The following NFU1 variants were observed in gnomAD, a reference collection of about 807,000 sequenced individuals.
NFU1 encodes the protein NFU1 iron-sulfur cluster scaffold.
NFU1 carries 30 observed loss-of-function variants against 32.2 expected under a neutral mutation model. That is an observed-to-expected ratio of 0.93 (90% CI 0.70 to 1.26). The LOEUF (loss-of-function observed/expected upper bound fraction) is 1.26, where lower values mean the gene tolerates loss of function less well. NFU1 is among the 50% of genes most tolerant of loss of function. NFU1 has a pLI of 0.00. For synonymous variants in NFU1, 112 were observed against 104.6 expected, an observed-to-expected ratio of 1.07 and a Z score of -0.43; for missense variants, 306 against 306.6, an observed-to-expected ratio of 1.00 and a Z score of 0.02.
chr2:69,421,562 CTTTTTT>C (rs763705011), intron 3 of NFU1, among the ~76,000 whole-genome samples: 14 of 70,760 alleles, frequency 2.0e-4, no homozygotes, highest in South Asian at 6.3e-4. Flanking sequence ...ATCATTTGTG[CTTTTTT>C]TTTTTTTTTT....
In NFU1 at chr2:69,430,837, C is replaced by T. The variant is rs139323618; in HGVS notation, c.166+1065G>A. 2.9e-3 allele frequency among the ~76,000 whole-genome samples: 447 copies of T among 152,330 alleles called. 3 individuals carry two copies. Among genetic ancestry groups the T allele is most frequent in the African/African-American group, 8.4e-3 (349 of 41,580 alleles). ...AGGGGTAAGGTCTACCCTGATTTAA[C>T]TCACGCCCTTAGCCAGAATCAGCCA... is the stretch of plus-strand genomic sequence containing the variant. On this transcript the variant is annotated intron_variant, in intron 2 of 7. Coordinates refer to ENST00000410022, the MANE Select transcript of NFU1 (RefSeq NM_001002755.4).
At chr2:69,433,427 G>A (rs1170986430) in intron 1 of NFU1, among the ~76,000 whole-genome samples, 6 of 151,520 alleles carry the variant, frequency 4.0e-5, no homozygotes, top group Admixed American at 6.6e-5. Context: ...TGATCCTCCC[G>A]TATCGGCCTC....
chr2:69,425,674 C>G (rs1463012442), intron 2 of NFU1, among the ~76,000 whole-genome samples: 3 of 149,930 alleles, frequency 2.0e-5, no homozygotes, highest in East Asian at 3.9e-4. Flanking sequence ...TTTTTTTAAA[C>G]TGGGTTTCAC....
intron 4 of NFU1, among the ~76,000 whole-genome samples, chr2:69,417,421 T>C (rs556268846): frequency 2.1e-3 from 324 of 151,042 alleles, no homozygotes; most frequent in Non-Finnish European, 3.7e-3. Flanking sequence ...GACAGAAGGA[T>C]TGCATGAGCC....
At chr2:69,402,082 A>G (rs1672540275) in intron 6 of NFU1, among the ~76,000 whole-genome samples, 1 of 152,002 alleles carries the variant, frequency 6.6e-6, no homozygotes, top group Non-Finnish European at 1.5e-5. Flanking sequence ...TTTAGTAGAG[A>G]CCATGTTTCA....
Position 69,398,623 on chromosome 2 carries a change from T to C in NFU1, c.720+1741A>G, listed in dbSNP as rs78234830. 4.8e-3 allele frequency among the ~76,000 whole-genome samples: 731 copies of C among 152,370 alleles called. 6 individuals are homozygous for C. The highest frequency in any genetic ancestry group is 0.017 in the African/African-American group (698 of 41,580). ...CCAGAGGGGCTGACTTCAATTGTCC[T>C]ACACATATCTTCTGAAGCATGTATA... is the stretch of plus-strand genomic sequence containing the variant. On this transcript the variant is annotated intron_variant, in intron 7 of 7. Coordinates refer to ENST00000410022, the MANE Select transcript of NFU1 (RefSeq NM_001002755.4).
At chr2:69,427,757 A>C (rs930415831) in intron 2 of NFU1, among the ~76,000 whole-genome samples, 13 of 150,272 alleles carry the variant, frequency 8.7e-5, no homozygotes, top group Non-Finnish European at 1.8e-4. Context: ...CGAGGTGGGC[A>C]GATCACCTGA....
intron 7 of NFU1, among the ~76,000 whole-genome samples, chr2:69,397,024 T>A (rs10084348): frequency 6.6e-5 from 10 of 151,160 alleles, no homozygotes; most frequent in African/African-American, 2.2e-4. Flanking sequence ...GTGAGCCTAG[T>A]GCCTGGTGAT....
chr2:69,436,472 T>C (rs985372985), intron 1 of NFU1, among the ~76,000 whole-genome samples: 3 of 152,180 alleles, frequency 2.0e-5, no homozygotes, highest in Non-Finnish European at 4.4e-5. Flanking sequence ...GGCAGCAGAA[T>C]GAATAAAGAG....
intron 3 of NFU1, among the ~76,000 whole-genome samples, chr2:69,420,037 C>G (rs895482200): frequency 4.6e-5 from 7 of 151,834 alleles, no homozygotes; most frequent in Admixed American, 1.3e-4. Context: ...ACGGAGTCAC[C>G]CTCTGTCCCC....
chr2:69,420,791 A>C (rs1421942947), intron 3 of NFU1, among the ~76,000 whole-genome samples: 1 of 152,232 alleles, frequency 6.6e-6, no homozygotes, highest in East Asian at 1.9e-4. Context: ...CAACAAAAAG[A>C]GATGAAGAAA....
At chr2:69,418,411 C>T (rs1277901398) in intron 4 of NFU1, among the ~76,000 whole-genome samples, 2 of 152,042 alleles carry the variant, frequency 1.3e-5, no homozygotes, top group East Asian at 1.9e-4. Flanking sequence ...AATAAATAGC[C>T]GCAAGAGAAT....
chr2:69,439,432 A>G (rs977522534), upstream of NFU1, among the ~76,000 whole-genome samples: 1 of 152,204 alleles, frequency 6.6e-6, no homozygotes, highest in Non-Finnish European at 1.5e-5. Context: ...TCAGGAGTGA[A>G]GCTGCAGACC....
In NFU1 at chr2:69,416,519, A is replaced by AG. The variant is rs1345688563; in HGVS notation, c.370-1221_370-1220insC. Among the ~76,000 whole-genome samples the AG allele has an allele frequency of 3.3e-5, 5 of 151,678 alleles. No homozygotes were observed. The East Asian group carries it at 9.6e-4, about 29-fold the overall frequency. On this transcript the variant is annotated intron_variant, in intron 4 of 7. Transcript: ENST00000410022. ...AGAGATTCCCATTCTCTTAAAAAAAACATAGGATGTAATTGCTTGATCAAG... is the reference window on the plus strand; with the variant it reads ...AGAGATTCCCATTCTCTTAAAAAAAAGCATAGGATGTAATTGCTTGATCAAG...
chr2:69,436,471 A>G lies in NFU1; in HGVS notation c.62+890T>C, dbSNP rs570697488. On this transcript the variant is annotated intron_variant, in intron 1 of 7. Transcript: ENST00000410022. ...TTCAGCCCAGGGAAAAGGCAGCAGAATGAATAAAGAGGAAGCACATTCCAA... is the reference window on the plus strand; with the variant it reads ...TTCAGCCCAGGGAAAAGGCAGCAGAGTGAATAAAGAGGAAGCACATTCCAA... Among the ~76,000 whole-genome samples the G allele has an allele frequency of 2.0e-5, 3 of 152,224 alleles. No homozygotes were observed. In the South Asian group the frequency reaches 6.2e-4, roughly 31 times the overall value.
At chr2:69,402,381 G>A (rs968218438) in intron 6 of NFU1, among the ~76,000 whole-genome samples, 2 of 152,094 alleles carry the variant, frequency 1.3e-5, no homozygotes, top group Non-Finnish European at 2.9e-5. Context: ...GGAATACAGT[G>A]GCATGATCAC....
chr2:69,400,697 A>G (rs1280546672), intron 6 of NFU1, among the ~76,000 whole-genome samples, 159 bp from the exon 7 acceptor site: 3 of 136,078 alleles, frequency 2.2e-5, no homozygotes, highest in African/African-American at 8.5e-5. Flanking sequence ...AGTTTTATTT[A>G]GAATTAAATT....
intron 2 of NFU1, among the ~76,000 whole-genome samples, chr2:69,426,355 G>C (rs568549195): frequency 1.3e-5 from 2 of 152,136 alleles, no homozygotes. Context: ...GCATGATCTC[G>C]GCTCACTGCA....
intron 7 of NFU1, among the ~76,000 whole-genome samples, chr2:69,399,753 C>T (rs1672454664): frequency 6.6e-6 from 1 of 152,108 alleles, no homozygotes; most frequent in East Asian, 1.9e-4. Flanking sequence ...CAGCAATATG[C>T]CCTCTGAGTC....
Sources: gnomAD v4.1 joint callset for allele counts (sites outside exome capture counted in the v4.1 genomes callset) on GRCh38, gnomAD v4.1.1 for gene constraint, MANE v1.5 for transcripts, NCBI Gene and HGNC (gene_info 2026-07-23, HGNC 2026-07-21) for gene names.